Variants in CNTNAP2 observed in about 807,000 individuals in gnomAD.
CNTNAP2 encodes contactin associated protein 2, also known as contactin-associated protein-like 2.
CNTNAP2 carries 98 observed loss-of-function variants against 155.2 expected under a neutral mutation model. That is an observed-to-expected ratio of 0.63 (90% CI 0.54 to 0.75). The LOEUF is 0.75. Ranked by LOEUF, CNTNAP2 falls within the 30% of genes least tolerant of loss-of-function variation. CNTNAP2 has a pLI of 0.00. For synonymous variants in CNTNAP2, 651 were observed against 631.2 expected, an observed-to-expected ratio of 1.03 and a Z score of -0.47; for missense variants, 1,727 against 1,688.1, an observed-to-expected ratio of 1.02 and a Z score of -0.40.
intron 9 of CNTNAP2, among the ~76,000 whole-genome samples, chr7:147,367,890 A>G (rs1413862407): frequency 1.3e-5 from 2 of 152,042 alleles, no homozygotes; most frequent in Non-Finnish European, 1.5e-5. Context: ...TTTTCACTCT[A>G]CCATCTGTAA....
intron 1 of CNTNAP2, among the ~76,000 whole-genome samples, chr7:146,184,118 C>T (rs1380103371): frequency 3.3e-5 from 5 of 152,124 alleles, no homozygotes; most frequent in African/African-American, 4.8e-5. Flanking sequence ...AGCTTTGCCC[C>T]GAACCAACTA....
At chr7:148,229,584 A>G (rs927996804) in intron 19 of CNTNAP2, 62 bp from the exon 20 acceptor site, 5 of 1,556,534 alleles carry the variant, frequency 3.2e-6, no homozygotes, top group Non-Finnish European at 4.4e-6. Flanking sequence ...AATTGAGGGG[A>G]TGTGACATTA....
intron 11 of CNTNAP2, among the ~76,000 whole-genome samples, chr7:147,546,828 T>G (rs1799743684): frequency 6.6e-6 from 1 of 152,230 alleles, no homozygotes; most frequent in Non-Finnish European, 1.5e-5. Context: ...AAACTGATTC[T>G]CATCCCCTTT....
At chr7:146,552,941 C>T (rs1244761435) in intron 1 of CNTNAP2, among the ~76,000 whole-genome samples, 5 of 152,066 alleles carry the variant, frequency 3.3e-5, no homozygotes, top group Admixed American at 6.6e-5. Flanking sequence ...CTTACTTTGC[C>T]GCACTGTCTA....
chr7:147,209,049 C>G (rs1452943917), intron 8 of CNTNAP2, among the ~76,000 whole-genome samples: 2 of 151,900 alleles, frequency 1.3e-5, no homozygotes, highest in Non-Finnish European at 2.9e-5. Context: ...TCATATTGCT[C>G]AGGATTACCT....
intron 3 of CNTNAP2, among the ~76,000 whole-genome samples, chr7:146,861,441 G>T (rs1795097925): frequency 6.6e-6 from 1 of 152,038 alleles, no homozygotes; most frequent in Non-Finnish European, 1.5e-5. Flanking sequence ...TTGTACAGTT[G>T]TCTTATTTAA....
chr7:148,246,996 TCA>T lies in CNTNAP2; in HGVS notation c.3381+17218_3381+17219del, dbSNP rs1346568959. On this transcript the variant is annotated intron_variant, in intron 20 of 23. Coordinates refer to ENST00000361727, the MANE Select transcript of CNTNAP2 (RefSeq NM_014141.6). Reference sequence around the variant, plus strand: ...AGACACAAACCTCTTTGTGTGTGCCTCAGTTTCCCCAGAGGTAGAACGCATTA... The same window carrying T: ...AGACACAAACCTCTTTGTGTGTGCCTGTTTCCCCAGAGGTAGAACGCATTA... Among the ~76,000 whole-genome samples the T allele has an allele frequency of 2.0e-5, 3 of 152,342 alleles. No individual in the cohort carries two copies. In the East Asian group the frequency reaches 5.8e-4, roughly 29 times the overall value.
At chr7:147,051,440 A>G (rs943223260) in intron 4 of CNTNAP2, among the ~76,000 whole-genome samples, 2 of 151,962 alleles carry the variant, frequency 1.3e-5, no homozygotes, top group Admixed American at 6.6e-5. Flanking sequence ...AAGGAGATGA[A>G]TTTTTGGCAG....
chr7:146,476,406 TG>T (rs1796877698), intron 1 of CNTNAP2, among the ~76,000 whole-genome samples: 1 of 152,196 alleles, frequency 6.6e-6, no homozygotes, highest in Non-Finnish European at 1.5e-5. Context: ...AATTCATAGC[TG>T]CTATGGAAAA....
intron 11 of CNTNAP2, among the ~76,000 whole-genome samples, chr7:147,494,313 A>G (rs1798657284): frequency 6.6e-6 from 1 of 152,084 alleles, no homozygotes; most frequent in Non-Finnish European, 1.5e-5. Context: ...CAGCCCAAGG[A>G]CCTCTACATT....
At chr7:146,242,435 A>G (rs554190906) in intron 1 of CNTNAP2, among the ~76,000 whole-genome samples, 33 of 151,912 alleles carry the variant, frequency 2.2e-4, no homozygotes, top group Admixed American at 2.6e-4. Context: ...GCTACTCGGG[A>G]GGCTAAGGCA....
intron 15 of CNTNAP2, among the ~76,000 whole-genome samples, chr7:148,029,650 A>G (rs991242922): frequency 6.6e-6 from 1 of 152,192 alleles, no homozygotes; most frequent in African/African-American, 2.4e-5. Flanking sequence ...CATCCATACT[A>G]TCTTTTAATT....
chr7:146,317,864 G>A (rs139089498), intron 1 of CNTNAP2, among the ~76,000 whole-genome samples: 1,801 of 152,290 alleles, frequency 0.012, 11 homozygotes, highest in Non-Finnish European at 0.016. Flanking sequence ...GAAATTGGCC[G>A]GGCATGGCGG....
At chr7:147,186,782 G>T (rs538005953) in intron 8 of CNTNAP2, among the ~76,000 whole-genome samples, 1 of 152,268 alleles carries the variant, frequency 6.6e-6, no homozygotes, top group African/African-American at 2.4e-5. Flanking sequence ...GGGCCTTCTG[G>T]CATGGCAGAA....
chr7:148,122,509 A>G (rs552648359), intron 16 of CNTNAP2, among the ~76,000 whole-genome samples: 6 of 152,346 alleles, frequency 3.9e-5, no homozygotes, highest in Admixed American at 2.0e-4. Context: ...ACTGAACCGA[A>G]GGACCCAGGA....
chr7:146,969,218 A>G (rs1184117153), intron 3 of CNTNAP2, among the ~76,000 whole-genome samples: 6 of 151,854 alleles, frequency 4.0e-5, no homozygotes, highest in East Asian at 3.9e-4. Flanking sequence ...GCTGAGGAGA[A>G]CTTTACTTCC....
chr7:148,243,366 G>A (rs1796194537), intron 20 of CNTNAP2, among the ~76,000 whole-genome samples: 1 of 152,180 alleles, frequency 6.6e-6, no homozygotes, highest in Non-Finnish European at 1.5e-5. Flanking sequence ...GCTAGCAGAG[G>A]GGACAGAGGC....
chr7:146,694,303 T>G (rs1196655518), intron 1 of CNTNAP2, among the ~76,000 whole-genome samples: 1 of 152,370 alleles, frequency 6.6e-6, no homozygotes, highest in South Asian at 2.1e-4. Flanking sequence ...GTTCCATTTA[T>G]AGATTTACAC....
intron 4 of CNTNAP2, among the ~76,000 whole-genome samples, chr7:147,099,620 T>C (rs1420320274): frequency 6.6e-6 from 1 of 152,148 alleles, no homozygotes; most frequent in African/African-American, 2.4e-5. Flanking sequence ...TTATATAGTA[T>C]CAAAATTTGG....
Sources: gnomAD v4.1 joint callset for allele counts (sites outside exome capture counted in the v4.1 genomes callset) on GRCh38, gnomAD v4.1.1 for gene constraint, MANE v1.5 for transcripts, NCBI Gene and HGNC (gene_info 2026-07-23, HGNC 2026-07-21) for gene names.